CDC14A: variants seen among roughly 807,000 people sequenced by gnomAD.
The protein encoded by CDC14A is dual specificity protein phosphatase CDC14A.
Under a neutral mutation model 74.4 loss-of-function variants are expected in CDC14A, and 53 were observed. The ratio of observed to expected loss-of-function variants is 0.71; its 90% CI spans 0.57 to 0.89. The LOEUF (loss-of-function observed/expected upper bound fraction) is 0.89, where lower values mean the gene tolerates loss of function less well. CDC14A is among the 40% of genes least tolerant of loss of function. The pLI is 0.00. For missense variants in CDC14A, 646 were observed against 713.7 expected (o/e 0.91, Z 1.08); for synonymous variants, 247 against 258.4 (o/e 0.96, Z 0.43).
At chr1:100,436,631 G>T (rs373806514) in intron 5 of CDC14A, among the ~76,000 whole-genome samples, 201 of 152,116 alleles carry the variant, frequency 1.3e-3, no homozygotes, top group African/African-American at 4.6e-3. Context: ...CACTATGTTG[G>T]ACCAGGCTGG....
chr1:100,420,211 A>T (rs1185642280), intron 4 of CDC14A, among the ~76,000 whole-genome samples: 5 of 145,690 alleles, frequency 3.4e-5, no homozygotes, highest in Non-Finnish European at 6.0e-5. Context: ...ATGTCCCCAG[A>T]GAAAGATCAT....
chr1:100,421,731 C>A (rs1662380936), intron 4 of CDC14A, among the ~76,000 whole-genome samples: 1 of 152,054 alleles, frequency 6.6e-6, no homozygotes. Context: ...TGGAGTCAGC[C>A]CACTGTTCGA....
chr1:100,506,382 A>T (rs565934380), intron 15 of CDC14A, among the ~76,000 whole-genome samples: 2 of 151,516 alleles, frequency 1.3e-5, no homozygotes, highest in Admixed American at 1.3e-4. Flanking sequence ...TCAGTATTGA[A>T]CCACATCTTT....
At chr1:100,367,714 G>C (rs1653837987) in intron 2 of CDC14A, among the ~76,000 whole-genome samples, 1 of 152,058 alleles carries the variant, frequency 6.6e-6, no homozygotes, top group African/African-American at 2.4e-5. Flanking sequence ...AATTTTTTTA[G>C]TGTAACTTGA....
At chr1:100,501,566 T>C (rs756300794) in intron 15 of CDC14A, among the ~76,000 whole-genome samples, 3 of 152,202 alleles carry the variant, frequency 2.0e-5, no homozygotes, top group Non-Finnish European at 2.9e-5. Flanking sequence ...TTATGTACAG[T>C]GCATAATATT....
chr1:100,448,165 A>T (rs1489350029), intron 7 of CDC14A, among the ~76,000 whole-genome samples: 37 of 152,182 alleles, frequency 2.4e-4, no homozygotes. Flanking sequence ...AATTTCAAGG[A>T]GTCTCCTTAA....
At chr1:100,439,056 A>G (rs1377256188) in intron 5 of CDC14A, among the ~76,000 whole-genome samples, 2 of 152,228 alleles carry the variant, frequency 1.3e-5, no homozygotes, top group Non-Finnish European at 2.9e-5. Context: ...GTTCTTGCTT[A>G]ACTGACCTGA....
At chr1:100,349,272 A>T (rs981273694), upstream of CDC14A, among the ~76,000 whole-genome samples, 4 of 151,868 alleles carry the variant, frequency 2.6e-5, no homozygotes, top group Admixed American at 6.6e-5. Context: ...GTGTAATATT[A>T]CCTTCCTTTT....
chr1:100,437,921 C>T (rs531746469), intron 5 of CDC14A, among the ~76,000 whole-genome samples: 4 of 151,414 alleles, frequency 2.6e-5, no homozygotes, highest in East Asian at 1.9e-4. Flanking sequence ...TTTTAAAAAA[C>T]GTAAAGCAGT....
chr1:100,460,078 G>A (rs377409755), intron 8 of CDC14A, among the ~76,000 whole-genome samples: 4 of 152,242 alleles, frequency 2.6e-5, no homozygotes, highest in South Asian at 2.1e-4. Context: ...GTATGTGTAC[G>A]GGCCAGCTTT....
In CDC14A at chr1:100,443,005, A is replaced by G. The variant is rs1665139190; in HGVS notation, c.519+9A>G. 1 of 1,551,388 alleles carries G rather than the reference A, an allele frequency of 6.4e-7. No individual in the cohort carries two copies. The highest frequency in any genetic ancestry group is 2.3e-5 in the East Asian group (1 of 44,200). Reference sequence around the variant, plus strand: ...AATATGAACATTATGAGGTTTGTACATTTAATTTTTTTTACAAAACATAAT... The same window carrying G: ...AATATGAACATTATGAGGTTTGTACGTTTAATTTTTTTTACAAAACATAAT... On this transcript the variant is annotated intron_variant, in intron 7 of 15. Coordinates refer to ENST00000336454, the MANE Select transcript of CDC14A (RefSeq NM_003672.4).
At chr1:100,461,846 G>T (rs1294874081) in intron 8 of CDC14A, among the ~76,000 whole-genome samples, 2 of 152,106 alleles carry the variant, frequency 1.3e-5, no homozygotes, top group African/African-American at 4.8e-5. Context: ...TATATTTATG[G>T]TGTACAACAA....
intron 7 of CDC14A, among the ~76,000 whole-genome samples, chr1:100,454,020 C>T (rs1037321962): frequency 2.5e-4 from 38 of 152,238 alleles, no homozygotes; most frequent in African/African-American, 9.1e-4. Flanking sequence ...TCACATATAA[C>T]TTTTTATAAC....
chr1:100,510,180 G>A (rs1223195618), intron 15 of CDC14A, among the ~76,000 whole-genome samples: 1 of 152,172 alleles, frequency 6.6e-6, no homozygotes, highest in Non-Finnish European at 1.5e-5. Flanking sequence ...CCTGGGCACT[G>A]CCAACATTCT....
At chr1:100,452,417 CAGG>C (rs1192428227) in intron 7 of CDC14A, among the ~76,000 whole-genome samples, 1 of 152,132 alleles carries the variant, frequency 6.6e-6, no homozygotes, top group Non-Finnish European at 1.5e-5. Context: ...GAGGCTAAAG[CAGG>C]AGAATTGCTT....
intron 5 of CDC14A, among the ~76,000 whole-genome samples, chr1:100,436,197 C>CT (rs1400215859): frequency 6.6e-6 from 1 of 152,122 alleles, no homozygotes; most frequent in Non-Finnish European, 1.5e-5. Flanking sequence ...GGGCAGGTAT[C>CT]TTTCTGTCTC....
intron 9 of CDC14A, among the ~76,000 whole-genome samples, chr1:100,466,078 A>G (rs866130199): frequency 3.3e-5 from 5 of 152,262 alleles, no homozygotes; most frequent in Middle Eastern, 3.4e-3. Flanking sequence ...ACTCTTTTTT[A>G]AAAGGGGGAA....
At chr1:100,489,545 A>G (rs557667973) in intron 11 of CDC14A, among the ~76,000 whole-genome samples, 1 of 148,064 alleles carries the variant, frequency 6.8e-6, no homozygotes, top group Non-Finnish European at 1.5e-5. Flanking sequence ...TTTATTCTTC[A>G]TGTTGTTGTT....
At chr1:100,485,047 ATGTC>A (rs1669891369) in intron 11 of CDC14A, 2 of 985,412 alleles carry the variant, frequency 2.0e-6, no homozygotes, top group Non-Finnish European at 2.4e-6. Flanking sequence ...GGTTCAATCC[ATGTC>A]TGTCTGAGTC....
Sources: gnomAD v4.1 joint callset for allele counts (sites outside exome capture counted in the v4.1 genomes callset) on GRCh38, gnomAD v4.1.1 for gene constraint, MANE v1.5 for transcripts, NCBI Gene and HGNC (gene_info 2026-07-23, HGNC 2026-07-21) for gene names.